CDH18: variants seen among roughly 807,000 people sequenced by gnomAD.
The protein encoded by CDH18 is cadherin 18.
CDH18 carries 31 observed loss-of-function variants against 67.9 expected under a neutral mutation model. The observed-to-expected ratio is 0.46, with a 90% CI of 0.34 to 0.62. The LOEUF is 0.62. Ranked by LOEUF, CDH18 falls within the 20% of genes least tolerant of loss-of-function variation. The pLI, the probability that CDH18 is intolerant of heterozygous loss-of-function variation, is 0.01. For synonymous variants in CDH18, 362 were observed against 347.2 expected, an observed-to-expected ratio of 1.04 and a Z score of -0.48; for missense variants, 890 against 975.5, an observed-to-expected ratio of 0.91 and a Z score of 1.17.
chr5:19,612,764 C>G (rs573143342), intron 5 of CDH18, among the ~76,000 whole-genome samples, 163 bp from the exon 6 acceptor site: 2 of 152,252 alleles, frequency 1.3e-5, no homozygotes, highest in African/African-American at 2.4e-5. Context: ...TGAATACTGT[C>G]TCTTTGAAAA....
chr5:20,276,883 C>T (rs1475580311), intron 1 of CDH18, among the ~76,000 whole-genome samples: 1 of 152,100 alleles, frequency 6.6e-6, no homozygotes, highest in African/African-American at 2.4e-5. Context: ...CCAGGCAGTA[C>T]TGGCCACAGG....
chr5:19,891,134 T>C (rs1331934513), intron 2 of CDH18, among the ~76,000 whole-genome samples: 1 of 152,130 alleles, frequency 6.6e-6, no homozygotes, highest in Non-Finnish European at 1.5e-5. Flanking sequence ...CATTCCATTT[T>C]ACCTATCCCT....
Position 20,431,348 on chromosome 5 carries a change from G to A in CDH18, c.-580+144114C>T, listed in dbSNP as rs528622370. Among the ~76,000 whole-genome samples the A allele has an allele frequency of 7.9e-5, 12 of 151,744 alleles. No homozygotes were observed. In the South Asian group the frequency reaches 1.5e-3, roughly 18 times the overall value. On this transcript the variant is annotated intron_variant, in intron 1 of 14. Transcript: ENST00000507958. ...TCTACTAAAATTACAAAAACATTAC[G>A]TGGGTATGGTGGTGCACGCCTGTAA... is the stretch of plus-strand genomic sequence containing the variant.
intron 2 of CDH18, among the ~76,000 whole-genome samples, chr5:20,086,778 A>T (rs1346998195): frequency 6.6e-6 from 1 of 152,232 alleles, no homozygotes; most frequent in African/African-American, 2.4e-5. Context: ...CTCTTTCTAA[A>T]TACTAATGCT....
At chr5:19,715,225 T>C (rs1473447736) in intron 5 of CDH18, among the ~76,000 whole-genome samples, 4 of 152,144 alleles carry the variant, frequency 2.6e-5, no homozygotes, top group African/African-American at 4.8e-5. Context: ...GGGGAGGTAA[T>C]AGAGAACCAA....
intron 5 of CDH18, among the ~76,000 whole-genome samples, chr5:19,640,473 A>G (rs1753843690): frequency 1.3e-5 from 2 of 152,120 alleles, no homozygotes; most frequent in African/African-American, 4.8e-5. Context: ...AGATAAAGAG[A>G]AAAGAATCAA....
intron 2 of CDH18, among the ~76,000 whole-genome samples, chr5:19,879,432 T>TA (rs1787380834): frequency 1.3e-5 from 2 of 152,100 alleles, no homozygotes; most frequent in Non-Finnish European, 2.9e-5. Flanking sequence ...AAAAAAGACC[T>TA]AAATGTTCTA....
intron 3 of CDH18, among the ~76,000 whole-genome samples, chr5:19,796,928 G>T (rs1776920167): frequency 6.6e-6 from 1 of 151,452 alleles, no homozygotes; most frequent in African/African-American, 2.4e-5. Context: ...AAATTAATTA[G>T]GACAGAATCT....
chr5:19,812,483 A>G (rs999152780), intron 3 of CDH18, among the ~76,000 whole-genome samples: 2 of 152,178 alleles, frequency 1.3e-5, no homozygotes, highest in African/African-American at 2.4e-5. Context: ...TTTGACATGG[A>G]AGTAATAAAT....
At chr5:20,247,928 G>T (rs1743512408) in intron 2 of CDH18, among the ~76,000 whole-genome samples, 1 of 151,942 alleles carries the variant, frequency 6.6e-6, no homozygotes, top group African/African-American at 2.4e-5. Flanking sequence ...TTAGAAACAA[G>T]AAAATTTATG....
chr5:20,273,081 T>C (rs1745556016), intron 1 of CDH18, among the ~76,000 whole-genome samples: 1 of 152,126 alleles, frequency 6.6e-6, no homozygotes, highest in African/African-American at 2.4e-5. Flanking sequence ...TTTCCATCTC[T>C]ATTCATATAT....
chr5:19,750,525 T>C (rs947970348), intron 3 of CDH18, among the ~76,000 whole-genome samples: 1 of 152,046 alleles, frequency 6.6e-6, no homozygotes, highest in African/African-American at 2.4e-5. Flanking sequence ...GATAGAAATA[T>C]GTCATCTCTG....
At chr5:19,998,544 C>T (rs1736191634) in intron 2 of CDH18, among the ~76,000 whole-genome samples, 1 of 151,994 alleles carries the variant, frequency 6.6e-6, no homozygotes, top group Non-Finnish European at 1.5e-5. Context: ...TTGTTTCATG[C>T]TAAGAGAACA....
At chr5:20,055,154 T>C (rs570329617) in intron 2 of CDH18, among the ~76,000 whole-genome samples, 1 of 152,350 alleles carries the variant, frequency 6.6e-6, no homozygotes, top group Non-Finnish European at 1.5e-5. Flanking sequence ...ATTACTATTA[T>C]AAAATATATG....
At chr5:20,158,153 A>C (rs1751702838) in intron 2 of CDH18, among the ~76,000 whole-genome samples, 1 of 152,168 alleles carries the variant, frequency 6.6e-6, no homozygotes, top group Non-Finnish European at 1.5e-5. Context: ...TAATGTCTTA[A>C]ATAATTTTAA....
chr5:20,468,659 C>A (rs576300349), intron 1 of CDH18, among the ~76,000 whole-genome samples: 60 of 152,240 alleles, frequency 3.9e-4, no homozygotes, highest in African/African-American at 1.3e-3. Context: ...AATTTAGAGT[C>A]CATGTAAAAC....
chr5:20,172,240 G>GTATATATGTATATATATATATGTGTA lies in CDH18; in HGVS notation c.-518+83203_-518+83204insTACACATATATATATATACATATATA, dbSNP rs1561848861. On this transcript the variant is annotated intron_variant, in intron 2 of 14. Coordinates refer to the CDH18 transcript ENST00000507958. ...TATATATATGTATATATATATATAT[G>GTATATATGTATATATATATATGTGTA]TATATATATATATATATCTCCTCTC... is the stretch of plus-strand genomic sequence containing the variant. Among the ~76,000 whole-genome samples, 17 of 64,126 alleles carry GTATATATGTATATATATATATGTGTA rather than the reference G, an allele frequency of 2.7e-4. 1 individual carries two copies. The highest frequency in any genetic ancestry group is 1.0e-3 in the African/African-American group (16 of 15,890). The allele number at this position is 64,126 out of a possible 152,430, so 42.1% of individuals were successfully genotyped here.
intron 8 of CDH18, among the ~76,000 whole-genome samples, chr5:19,566,339 G>C (rs1007245182): frequency 6.6e-6 from 1 of 152,148 alleles, no homozygotes; most frequent in Admixed American, 6.5e-5. Context: ...GCTAAACATA[G>C]AGCTCCCTAT....
At chr5:19,588,659 T>C (rs947231067) in intron 7 of CDH18, among the ~76,000 whole-genome samples, 1 of 151,794 alleles carries the variant, frequency 6.6e-6, no homozygotes, top group Non-Finnish European at 1.5e-5. Context: ...AAAAGACCCA[T>C]CTCACGTGCA....
Sources: gnomAD v4.1 joint callset for allele counts (sites outside exome capture counted in the v4.1 genomes callset) on GRCh38, gnomAD v4.1.1 for gene constraint, MANE v1.5 for transcripts, NCBI Gene and HGNC (gene_info 2026-07-23, HGNC 2026-07-21) for gene names.